OSTM1: variants seen among roughly 807,000 people sequenced by gnomAD.
The protein encoded by OSTM1 is osteopetrosis-associated transmembrane protein 1.
Under a neutral mutation model 35.4 loss-of-function variants are expected in OSTM1, and 26 were observed. The ratio of observed to expected loss-of-function variants is 0.73; its 90% confidence interval spans 0.54 to 1.02. The LOEUF is 1.02. OSTM1 is among the 50% of genes least tolerant of loss of function. The probability of loss-of-function intolerance (pLI) is 0.00; values close to 1 mark genes in which losing one functional copy is unlikely to be tolerated. For synonymous variants in OSTM1, 181 were observed against 165.0 expected (o/e 1.10, Z -0.75); for missense variants, 366 against 409.6 (o/e 0.89, Z 0.92).
Position 108,051,192 on chromosome 6 carries a change from C to A in OSTM1, c.622G>T (p.Ala208Ser). ...TTTTTTGTCTGTAAAAGACTATGTG[C>A]ATTCCCCTAAAATGACAAAGGCACA... Reference protein sequence around the residue: ...TCFEHNLQGNAHSLLQTKNYS... With the variant: ...TCFEHNLQGNSHSLLQTKNYS... The change falls in exon 4 of 6, where the codon GCA (alanine) becomes TCA (serine). Residue 208 changes from alanine to serine, a missense_variant. Around this residue, in one of 3 missense-constraint regions of OSTM1, gnomAD observed 125 missense variants for 151.7 expected, o/e 0.82. Transcript: ENST00000193322. 1.2e-6 allele frequency: 2 copies of A among 1,609,866 alleles called. No individual in the cohort carries two copies. The highest frequency in any genetic ancestry group is 1.7e-6 in the Non-Finnish European group (2 of 1,176,456).
chr6:108,048,026 T>C (rs1023812435), intron 5 of OSTM1, among the ~76,000 whole-genome samples: 1 of 152,230 alleles, frequency 6.6e-6, no homozygotes, highest in Admixed American at 6.5e-5. Flanking sequence ...ATTTACAGAA[T>C]GCTGGCAGCC....
At chr6:108,059,895 A>T (rs754111947) in intron 2 of OSTM1, among the ~76,000 whole-genome samples, 1 of 152,194 alleles carries the variant, frequency 6.6e-6, no homozygotes, top group Admixed American at 6.5e-5. Flanking sequence ...TGAAATAGCT[A>T]ATCTCTCTAA....
At chr6:108,074,184 ATCATTACACCC>A in intron 1 of OSTM1, 55 bp downstream of exon 1, 1 of 1,525,358 alleles carries the variant, frequency 6.6e-7, no homozygotes, top group Non-Finnish European at 9.0e-7. Context: ...AGCGCTGACC[ATCATTACACCC>A]TCCTCCTTTC....
intron 2 of OSTM1, among the ~76,000 whole-genome samples, chr6:108,059,717 A>G (rs1401211961): frequency 6.6e-6 from 1 of 152,158 alleles, no homozygotes; most frequent in African/African-American, 2.4e-5. Context: ...CCCAAAATTG[A>G]TATGTTGAAA....
In OSTM1 at chr6:108,046,403, G is replaced by A. The variant is rs545059991; in HGVS notation, c.950-1563C>T. On this transcript the variant is annotated intron_variant, in intron 5 of 5. Transcript: ENST00000193322. The stretch of plus-strand genomic sequence containing the variant: ...GTCGCCCAGGCTGGAGTGCAGTGGC[G>A]CGATCTCAGCTCACTGCAACCTCTG... Among the ~76,000 whole-genome samples, 439 of 145,200 alleles carry A rather than the reference G, an allele frequency of 3.0e-3. 1 individual carries two copies. The highest frequency in any genetic ancestry group is 5.1e-3 in the Non-Finnish European group (339 of 66,504).
At chr6:108,069,237 T>C (rs1772439029) in intron 1 of OSTM1, among the ~76,000 whole-genome samples, 1 of 152,246 alleles carries the variant, frequency 6.6e-6, no homozygotes, top group Non-Finnish European at 1.5e-5. Flanking sequence ...ATTCATGCTA[T>C]ATCCCTAGTA....
At chr6:108,073,841 T>C (rs977347800) in intron 1 of OSTM1, 10 of 208,924 alleles carry the variant, frequency 4.8e-5, no homozygotes, top group Admixed American at 1.6e-4. Context: ...TAGAAGTTGG[T>C]GGACATGAAC....
At position 108,044,228 on chromosome 6, in the gene OSTM1, T is replaced by G. The variant is rs1232851635; in HGVS notation, c.*557A>C. The G allele has an allele frequency of 6.6e-6, 1 of 152,590 alleles. No individual in the cohort carries two copies. Among genetic ancestry groups the G allele is most frequent in the African/African-American group, 2.4e-5 (1 of 41,450 alleles). 9.5% of individuals were successfully genotyped at this position (152,590 alleles called of 1,614,324 possible). On this transcript the variant is annotated 3_prime_UTR_variant, in exon 6 of 6. Transcript: ENST00000193322. ...AATGTGGCTTACTACTTTTAAAAAT[T>G]GTCAGGGAGGTTTGCAATCAGTGGT...
At chr6:108,050,556 G>T (rs1434326303) in intron 4 of OSTM1, among the ~76,000 whole-genome samples, 1 of 151,938 alleles carries the variant, frequency 6.6e-6, no homozygotes, top group Non-Finnish European at 1.5e-5. Flanking sequence ...TAGAGACGGG[G>T]TTTCACCATG....
Position 108,074,696 on chromosome 6 carries a change from C to T in OSTM1, c.-45G>A. 6.7e-7 allele frequency: 1 copy of T among 1,485,790 alleles called. No homozygotes were observed. Among genetic ancestry groups the T allele is most frequent in the Non-Finnish European group, 8.9e-7 (1 of 1,125,040 alleles). The allele number at this position is 1,485,790 out of a possible 1,614,324, so 92.0% of individuals were successfully genotyped here. Reference sequence around the variant, plus strand: ...AGGGAGCCCACCGCCGCCTCTCCGCCCCCAGCCGGCACCGCGGACAGCCGC... The same window carrying T: ...AGGGAGCCCACCGCCGCCTCTCCGCTCCCAGCCGGCACCGCGGACAGCCGC... On this transcript the variant is annotated 5_prime_UTR_variant, in exon 1 of 6. Coordinates refer to ENST00000193322, the MANE Select transcript of OSTM1 (RefSeq NM_014028.4).
At chr6:108,064,160 A>G in intron 2 of OSTM1, 25 bp downstream of exon 2, 2 of 1,154,716 alleles carry the variant, frequency 1.7e-6, no homozygotes, top group Non-Finnish European at 2.6e-6. Context: ...CATAACTGCA[A>G]CATGAAAATG....
In OSTM1 at chr6:108,051,196, C is replaced by A. The variant is rs759727818; in HGVS notation, c.618G>T (p.Gly206=). The A allele has an allele frequency of 1.2e-5, 19 of 1,608,132 alleles. No individual in the cohort carries two copies. Among genetic ancestry groups the A allele is most frequent in the Non-Finnish European group, 1.6e-5 (19 of 1,175,080 alleles). The change falls in exon 4 of 6, where the codon GGG becomes GGT. Residue 206 remains glycine, a splice_region_variant and synonymous_variant. Transcript: ENST00000193322. ...TLTCFEHNLQ[G]NAHSLLQTKN... is the part of the protein sequence containing the mutation. ...TTGTCTGTAAAAGACTATGTGCATT[C>A]CCCTAAAATGACAAAGGCACATGTA...
chr6:108,051,254 T>G, intron 3 of OSTM1, 56 bp from the exon 4 acceptor site: 3 of 1,285,184 alleles, frequency 2.3e-6, no homozygotes, highest in Non-Finnish European at 3.3e-6. Flanking sequence ...ACAATATCTC[T>G]TTAATGTAAG....
Position 108,050,915 on chromosome 6 carries a change from T to A in OSTM1, c.783+116A>T, listed in dbSNP as rs916762157. 3 of 884,284 alleles carry A rather than the reference T, an allele frequency of 3.4e-6. No homozygotes were observed. In the African/African-American group the frequency reaches 4.9e-5, roughly 15 times the overall value. 54.8% of individuals were successfully genotyped at this position (884,284 alleles called of 1,614,324 possible). A position where few individuals can be genotyped will look rare whatever the true frequency, so the allele number is the denominator to read the frequency against. ...ACTTTACTACTTTATAACTAGTTAT[T>A]TTTGGTTGAGGACAGAATATGCAGA... On this transcript the variant is annotated intron_variant, in intron 4 of 5. Coordinates refer to ENST00000193322, the MANE Select transcript of OSTM1 (RefSeq NM_014028.4).
At chr6:108,047,698 A>G (rs1302078846) in intron 5 of OSTM1, among the ~76,000 whole-genome samples, 4 of 152,302 alleles carry the variant, frequency 2.6e-5, no homozygotes, top group Non-Finnish European at 4.4e-5. Flanking sequence ...CATACTTGCT[A>G]ATGAATTAAA....
chr6:108,054,755 A>G (rs1354729474), intron 2 of OSTM1, among the ~76,000 whole-genome samples, 168 bp from the exon 3 acceptor site: 2 of 152,342 alleles, frequency 1.3e-5, no homozygotes, highest in African/African-American at 4.8e-5. Context: ...TCCAAAAGTT[A>G]AAAAAGTCAT....
At chr6:108,056,200 T>C (rs1270996399) in intron 2 of OSTM1, among the ~76,000 whole-genome samples, 1 of 152,234 alleles carries the variant, frequency 6.6e-6, no homozygotes, top group Non-Finnish European at 1.5e-5. Flanking sequence ...CATTTGCCCA[T>C]TTAATTCTTG....
At chr6:108,073,383 A>G (rs1772520393) in intron 1 of OSTM1, among the ~76,000 whole-genome samples, 1 of 152,072 alleles carries the variant, frequency 6.6e-6, no homozygotes, top group Non-Finnish European at 1.5e-5. Flanking sequence ...ATCTTTTCCT[A>G]GTCTAAACTT....
chr6:108,055,963 C>T (rs375240735), intron 2 of OSTM1, among the ~76,000 whole-genome samples: 4 of 152,142 alleles, frequency 2.6e-5, no homozygotes, highest in African/African-American at 9.7e-5. Flanking sequence ...TCTCTCTCAA[C>T]TGGAAGTGGA....
Sources: gnomAD v4.1 joint callset for allele counts (sites outside exome capture counted in the v4.1 genomes callset) on GRCh38, gnomAD v4.1.1 for gene constraint, gnomAD v4.1.1 regional missense constraint, MANE v1.5 for transcripts, NCBI Gene and HGNC (gene_info 2026-07-23, HGNC 2026-07-21) for gene names.